Variants in FABP7 observed in about 807,000 individuals in gnomAD.
The protein encoded by FABP7 is fatty acid binding protein 7, also known as fatty acid-binding protein, brain.
Under a neutral mutation model 14.2 loss-of-function variants are expected in FABP7, and 13 were observed. That is an observed-to-expected ratio of 0.91 (90% CI 0.59 to 1.45). FABP7 has a LOEUF of 1.45. Ranked by LOEUF, FABP7 falls within the 40% of genes most tolerant of loss-of-function variation. The probability of loss-of-function intolerance (pLI) is 0.00; values close to 1 mark genes in which losing one functional copy is unlikely to be tolerated. For synonymous variants in FABP7, 49 were observed against 51.4 expected (o/e 0.95, Z 0.20); for missense variants, 149 against 157.6 (o/e 0.95, Z 0.29).
chr6:122,765,366 T>C, the FABP7 span, among the ~76,000 whole-genome samples: 1 of 152,142 alleles, frequency 6.6e-6, no homozygotes, highest in South Asian at 2.1e-4. Flanking sequence ...GACCTCTATC[T>C]ATCTTACATA....
the FABP7 span, among the ~76,000 whole-genome samples, chr6:122,763,209 G>A: frequency 6.6e-6 from 1 of 152,126 alleles, no homozygotes; most frequent in Non-Finnish European, 1.5e-5. Context: ...CAATGGAACA[G>A]AACAGAGCCC....
chr6:122,783,204 A>G, intron 3 of FABP7: 7 of 985,458 alleles, frequency 7.1e-6, no homozygotes, highest in Non-Finnish European at 8.4e-6. Flanking sequence ...CTGCGTTCAC[A>G]TAGGCTAAAC....
At chr6:122,772,934 G>A in the FABP7 span, among the ~76,000 whole-genome samples, 1 of 151,714 alleles carries the variant, frequency 6.6e-6, no homozygotes, top group Non-Finnish European at 1.5e-5. Context: ...GATAAAATGT[G>A]TACACATGAA....
chr6:122,751,563 T>C, the FABP7 span, among the ~76,000 whole-genome samples: 3 of 152,224 alleles, frequency 2.0e-5, no homozygotes, highest in Non-Finnish European at 4.4e-5. Flanking sequence ...TTTTCACTTT[T>C]TTTGAGCACA....
At chr6:122,758,866 A>G in the FABP7 span, among the ~76,000 whole-genome samples, 2 of 152,222 alleles carry the variant, frequency 1.3e-5, no homozygotes, top group Non-Finnish European at 2.9e-5. Flanking sequence ...AGGTTGTCAA[A>G]CTTTTTTGAT....
Position 122,779,820 on chromosome 6 carries a change from GGAAGCT to G in FABP7, c.29_34del (p.Lys10_Leu11del), listed in dbSNP as rs777238518. Reference sequence around the variant, plus strand: ...ATGGTGGAGGCTTTCTGTGCTACCTGGAAGCTGACCAACAGTCAGAACTTTGATGAG... The same window carrying G: ...ATGGTGGAGGCTTTCTGTGCTACCTGGACCAACAGTCAGAACTTTGATGAG... On this transcript the variant is annotated inframe_deletion, in exon 1 of 4. Coordinates refer to ENST00000368444, the MANE Select transcript of FABP7 (RefSeq NM_001446.5). The G allele has an allele frequency of 5.0e-6, 8 of 1,614,034 alleles. No homozygotes were observed. In the South Asian group the frequency reaches 7.7e-5, roughly 16 times the overall value.
the FABP7 span, among the ~76,000 whole-genome samples, chr6:122,762,874 G>A: frequency 6.6e-6 from 1 of 152,160 alleles, no homozygotes; most frequent in Non-Finnish European, 1.5e-5. Context: ...ACAAACCACT[G>A]CTCAATGAAA....
At chr6:122,783,650 T>A (rs776563886) in intron 3 of FABP7, 67 bp from the exon 4 acceptor site, 20 of 1,548,664 alleles carry the variant, frequency 1.3e-5, no homozygotes, top group Admixed American at 2.3e-5. Context: ...ACATATATGA[T>A]GATCTTTAAA....
chr6:122,769,656 T>C, the FABP7 span, among the ~76,000 whole-genome samples: 1 of 152,166 alleles, frequency 6.6e-6, no homozygotes, highest in South Asian at 2.1e-4. Flanking sequence ...TCCAAAAGGA[T>C]AGAAAATTAA....
At chr6:122,781,664 G>T (rs1780788815) in intron 3 of FABP7, 1 of 1,025,848 alleles carries the variant, frequency 9.7e-7, no homozygotes, top group East Asian at 7.9e-5. Context: ...CAAGTTCTGG[G>T]CAGATAATTT....
chr6:122,771,644 G>T, the FABP7 span, among the ~76,000 whole-genome samples: 1 of 152,096 alleles, frequency 6.6e-6, no homozygotes, highest in African/African-American at 2.4e-5. Context: ...GCATTTGAAC[G>T]CTTATTAAAA....
chr6:122,753,795 GCC>G, the FABP7 span, among the ~76,000 whole-genome samples: 222 of 37,456 alleles, frequency 5.9e-3, no homozygotes, highest in African/African-American at 0.013. Context: ...CCCCCCCCCC[GCC>G]CACAGAAGTT....
chr6:122,783,821 G>A lies in FABP7; in HGVS notation c.*54G>A. The stretch of plus-strand genomic sequence containing the variant: ...CTCTTCAGTTTTTCTGTTTCCTCAA[G>A]TCTCAGTGCTATCCTATTACAACAT... On this transcript the variant is annotated 3_prime_UTR_variant, in exon 4 of 4. Coordinates refer to ENST00000368444, the MANE Select transcript of FABP7 (RefSeq NM_001446.5). The A allele has an allele frequency of 2.2e-6, 3 of 1,386,776 alleles. No individual in the cohort carries two copies. Among genetic ancestry groups the A allele is most frequent in the Non-Finnish European group, 3.1e-6 (3 of 980,264 alleles). The allele number at this position is 1,386,776 out of a possible 1,614,324, so 85.9% of individuals were successfully genotyped here.
the FABP7 span, among the ~76,000 whole-genome samples, chr6:122,771,269 T>A: frequency 5.5e-4 from 83 of 152,280 alleles, 1 homozygote; most frequent in Non-Finnish European, 7.4e-5. Flanking sequence ...ACCTGCTATT[T>A]CAACTATTCC....
At chr6:122,775,221 A>T (rs6916003), upstream of FABP7, among the ~76,000 whole-genome samples, 43,413 of 152,002 alleles carry the variant, frequency 0.29, 6,850 homozygotes, top group Non-Finnish European at 0.37. Context: ...GAACAAAGCA[A>T]AAAGAACACA....
At chr6:122,751,891 C>T in the FABP7 span, among the ~76,000 whole-genome samples, 161 of 152,276 alleles carry the variant, frequency 1.1e-3, 2 homozygotes, top group African/African-American at 3.8e-3. Flanking sequence ...TTCCTCTCAT[C>T]CCTCTGCCCC....
chr6:122,767,682 G>T, the FABP7 span, among the ~76,000 whole-genome samples: 1 of 151,298 alleles, frequency 6.6e-6, no homozygotes, highest in African/African-American at 2.4e-5. Flanking sequence ...AGACAGAGGT[G>T]GGGGGATAGC....
the FABP7 span, among the ~76,000 whole-genome samples, chr6:122,770,912 A>T: frequency 1.3e-5 from 2 of 152,232 alleles, no homozygotes; most frequent in Middle Eastern, 3.4e-3. Context: ...GTATTTCCAA[A>T]CTTCCCTATA....
At chr6:122,782,218 T>G (rs1780807385) in intron 3 of FABP7, 14 of 977,926 alleles carry the variant, frequency 1.4e-5, no homozygotes, top group Non-Finnish European at 1.3e-5. Context: ...TTTATTAGTG[T>G]CCTAAGGCTG....
Sources: gnomAD v4.1 joint callset for allele counts (sites outside exome capture counted in the v4.1 genomes callset) on GRCh38, gnomAD v4.1.1 for gene constraint, MANE v1.5 for transcripts, NCBI Gene and HGNC (gene_info 2026-07-23, HGNC 2026-07-21) for gene names.